The following CCDC73 variants were observed in gnomAD, a reference collection of about 807,000 sequenced individuals.
CCDC73 encodes the protein coiled-coil domain containing 73, also known as coiled-coil domain-containing protein 73.
In CCDC73, 95 loss-of-function variants were observed where a neutral mutation model predicts 116.5. The ratio of observed to expected loss-of-function variants is 0.82; its 90% CI spans 0.69 to 0.97. The LOEUF is 0.97. Among genes scored for constraint, CCDC73 ranks in the 50% least tolerant of loss-of-function variants. The probability of loss-of-function intolerance (pLI) is 0.00; values close to 1 mark genes in which losing one functional copy is unlikely to be tolerated. For synonymous variants in CCDC73, 398 were observed against 401.3 expected (o/e 0.99, Z 0.10); for missense variants, 1,066 against 1,206.8 (o/e 0.88, Z 1.73).
chr11:32,796,296 C>T (rs931173029), upstream of CCDC73, among the ~76,000 whole-genome samples: 1 of 152,138 alleles, frequency 6.6e-6, no homozygotes, highest in Non-Finnish European at 1.5e-5. Flanking sequence ...CATGTAAATG[C>T]CAAATAAATT....
intron 2 of CCDC73, among the ~76,000 whole-genome samples, chr11:32,723,415 C>A (rs1850006414): frequency 6.6e-6 from 1 of 152,096 alleles, no homozygotes; most frequent in South Asian, 2.1e-4. Context: ...ACTTTTCAGA[C>A]CAAGAAACTA....
intron 14 of CCDC73, among the ~76,000 whole-genome samples, chr11:32,630,995 T>C (rs553095665): frequency 1.3e-5 from 2 of 152,230 alleles, no homozygotes; most frequent in African/African-American, 4.8e-5. Context: ...TTCATAATGA[T>C]AAAAAGGTCA....
intron 1 of CCDC73, among the ~76,000 whole-genome samples, chr11:32,769,130 C>A (rs1475926421): frequency 6.6e-6 from 1 of 152,168 alleles, no homozygotes; most frequent in Admixed American, 6.5e-5. Flanking sequence ...GGTAAGACCA[C>A]TTTGGAAAAC....
chr11:32,713,088 T>C (rs891553539), intron 3 of CCDC73, among the ~76,000 whole-genome samples: 1 of 152,118 alleles, frequency 6.6e-6, no homozygotes, highest in Non-Finnish European at 1.5e-5. Flanking sequence ...AAGCAATAAC[T>C]GTGCTTCAGA....
At chr11:32,815,493 G>A in the CCDC73 span, among the ~76,000 whole-genome samples, 5 of 152,138 alleles carry the variant, frequency 3.3e-5, no homozygotes, top group East Asian at 3.9e-4. Flanking sequence ...GAGCCACTGC[G>A]CCCAGCCTAT....
chr11:32,743,545 T>C (rs1453125888), intron 2 of CCDC73, among the ~76,000 whole-genome samples: 2 of 151,710 alleles, frequency 1.3e-5, no homozygotes, highest in African/African-American at 4.8e-5. Context: ...TATAGAGTGT[T>C]TGTTTTTTCC....
chr11:32,618,938 T>C (rs952816164), intron 14 of CCDC73, among the ~76,000 whole-genome samples: 5 of 152,190 alleles, frequency 3.3e-5, no homozygotes, highest in South Asian at 2.1e-4. Flanking sequence ...ATTAGTGATG[T>C]TGAACATTTT....
At position 32,612,744 on chromosome 11, in the gene CCDC73, TAATA is replaced by T. The variant is rs568311859; in HGVS notation, c.2896+674_2896+677del. 8.2e-3 allele frequency among the ~76,000 whole-genome samples: 1,248 copies of T among 151,786 alleles called. 9 individuals are homozygous for T. The highest frequency in any genetic ancestry group is 0.02 in the Middle Eastern group (6 of 294). On this transcript the variant is annotated intron_variant, in intron 16 of 17. Transcript: ENST00000335185. ...AGAGCAAGACTCTATCTCAAAAAAA[TAATA>T]AATAAATAAAGCAAAAAACAAAACA...
At position 32,613,712 on chromosome 11, in the gene CCDC73, A is replaced by G. The variant is rs955862951; in HGVS notation, c.2606T>C (p.Phe869Ser). The stretch of plus-strand genomic sequence containing the variant: ...TAAATCTCCAGATGGCTCTATGTGA[A>G]ATGAATGTGATTCCTCCAGCTGTCC... ...SEGQLEESHS[F>S]HIEPSGDLVN... Residue 869 changes from phenylalanine to serine, a missense_variant, in exon 16 of 18, where the codon TTT (phenylalanine) becomes TCT (serine). Coordinates refer to ENST00000335185, the MANE Select transcript of CCDC73 (RefSeq NM_001008391.4). The G allele has an allele frequency of 6.2e-6, 10 of 1,613,988 alleles. No homozygotes were observed. In the African/African-American group the frequency reaches 1.3e-4, roughly 22 times the overall value.
At chr11:32,603,223 A>G in intron 17 of CCDC73, 1 of 477,440 alleles carries the variant, frequency 2.1e-6, no homozygotes, top group Admixed American at 3.8e-5. Context: ...TCTAATATAT[A>G]ACTGAAGTAA....
rs558326708 is a variant in CCDC73, at chr11:32,750,796, C to T, written c.135+9313G>A. 1.8e-4 allele frequency among the ~76,000 whole-genome samples: 27 copies of T among 152,304 alleles called. 1 individual carries two copies. Among genetic ancestry groups the T allele is most frequent in the African/African-American group, 2.4e-4 (10 of 41,560 alleles). ...GGGAACCCCTAGAGCCCACTTGGTGCTCTTCCCCACTGTAGCCAAGCTGGT... is the reference window on the plus strand; with the variant it reads ...GGGAACCCCTAGAGCCCACTTGGTGTTCTTCCCCACTGTAGCCAAGCTGGT... On this transcript the variant is annotated intron_variant, in intron 2 of 17. Coordinates refer to ENST00000335185, the MANE Select transcript of CCDC73 (RefSeq NM_001008391.4).
rs997291150 is a variant in CCDC73, at chr11:32,794,118, T to C, written c.-16+495A>G. 3.3e-5 allele frequency among the ~76,000 whole-genome samples: 5 copies of C among 152,272 alleles called. No homozygotes were observed. In the South Asian group the frequency reaches 1.0e-3, roughly 32 times the overall value. On this transcript the variant is annotated intron_variant, in intron 1 of 17. Coordinates refer to ENST00000335185, the MANE Select transcript of CCDC73 (RefSeq NM_001008391.4). ...CTTTCGCACTATACTTAAAACATTCTGCAAAAAGTAACGTTCACCAAAGAA... is the reference window on the plus strand; with the variant it reads ...CTTTCGCACTATACTTAAAACATTCCGCAAAAAGTAACGTTCACCAAAGAA...
intron 1 of CCDC73, among the ~76,000 whole-genome samples, chr11:32,793,046 A>G (rs1175545437): frequency 6.6e-6 from 1 of 152,216 alleles, no homozygotes; most frequent in African/African-American, 2.4e-5. Flanking sequence ...AAGAAACTAA[A>G]AACCCTATGC....
rs367693675 is a variant in CCDC73, at chr11:32,629,921, C to CAAAAAAAAAAAAAAA, written c.1185+5774_1185+5775insTTTTTTTTTTTTTTT. Among the ~76,000 whole-genome samples the CAAAAAAAAAAAAAAA allele has an allele frequency of 2.3e-3, 126 of 55,602 alleles. 7 individuals are homozygous for CAAAAAAAAAAAAAAA. Among genetic ancestry groups the CAAAAAAAAAAAAAAA allele is most frequent in the Middle Eastern group, 0.011 (1 of 88 alleles). The allele number at this position is 55,602 out of a possible 152,430, so 36.5% of individuals were successfully genotyped here. On this transcript the variant is annotated intron_variant, in intron 14 of 17. Transcript: ENST00000335185. The stretch of plus-strand genomic sequence containing the variant: ...GCTGGAAAGAATTCCAGCAGATATG[C>CAAAAAAAAAAAAAAA]AAAAAAAAAAAAACAAAAAAAAAAC...
At position 32,794,610 on chromosome 11, in the gene CCDC73, T is replaced by TA. The variant is rs1850706998; in HGVS notation, c.-16+2dup. 6.6e-6 allele frequency: 1 copy of TA among 152,324 alleles called. No individual in the cohort carries two copies. The highest frequency in any genetic ancestry group is 1.9e-4 in the East Asian group (1 of 5,196). The allele number at this position is 152,324 out of a possible 1,614,324, so 9.4% of individuals were successfully genotyped here. ...CTACACGCTTGTGACTGCTCCGACT[T>TA]ACCTCAGCGAAGCGCGCCTCTAGCT... On this transcript the variant is annotated splice_region_variant and intron_variant, in intron 1 of 17. Transcript: ENST00000335185.
intron 2 of CCDC73, among the ~76,000 whole-genome samples, chr11:32,753,246 C>G (rs1404106377): frequency 1.3e-5 from 2 of 149,928 alleles, no homozygotes; most frequent in Non-Finnish European, 3.0e-5. Context: ...CTTATGTTTT[C>G]TAGTATTTGT....
chr11:32,633,592 T>TA (rs908184240), intron 14 of CCDC73, among the ~76,000 whole-genome samples: 49 of 152,084 alleles, frequency 3.2e-4, no homozygotes, highest in Admixed American at 5.9e-4. Flanking sequence ...CAGTCTGGAG[T>TA]AAACCAGACT....
chr11:32,644,793 GTCTC>G (rs1214184910), intron 12 of CCDC73, among the ~76,000 whole-genome samples: 2 of 152,076 alleles, frequency 1.3e-5, no homozygotes, highest in Admixed American at 1.3e-4. Flanking sequence ...TCTGTTTTCT[GTCTC>G]TCTAATTGTG....
intron 2 of CCDC73, among the ~76,000 whole-genome samples, chr11:32,743,889 T>C (rs1056901006): frequency 2.0e-5 from 3 of 152,232 alleles, no homozygotes; most frequent in Non-Finnish European, 4.4e-5. Context: ...CCTATTTGAA[T>C]ACCCTTTATT....
Sources: allele counts gnomAD v4.1 joint callset (sites outside exome capture counted in the v4.1 genomes callset), GRCh38; gene constraint gnomAD v4.1.1; transcripts MANE v1.5; gene names NCBI Gene and HGNC (gene_info 2026-07-23, HGNC 2026-07-21).